ZC2HC1A: variants seen among roughly 807,000 people sequenced by gnomAD.
ZC2HC1A encodes zinc finger C2HC-type containing 1A.
In ZC2HC1A, 28 loss-of-function variants were observed where a neutral mutation model predicts 40.7. The observed-to-expected ratio is 0.69, with a 90% CI of 0.51 to 0.94. ZC2HC1A has a LOEUF of 0.94. Ranked by LOEUF, ZC2HC1A falls within the 40% of genes least tolerant of loss-of-function variation. The probability of loss-of-function intolerance (pLI) is 0.00; values close to 1 mark genes in which losing one functional copy is unlikely to be tolerated. For synonymous variants in ZC2HC1A, 129 were observed against 129.2 expected, an observed-to-expected ratio of 1.00 and a Z score of 0.01; for missense variants, 389 against 386.3, an observed-to-expected ratio of 1.01 and a Z score of -0.06.
At chr8:78,696,529 A>G (rs1418782585) in intron 5 of ZC2HC1A, among the ~76,000 whole-genome samples, 4 of 152,198 alleles carry the variant, frequency 2.6e-5, no homozygotes, top group African/African-American at 9.7e-5. Context: ...GGTGATCAGT[A>G]AGATACTTTT....
Position 78,687,718 on chromosome 8 carries a change from G to A in ZC2HC1A, c.352+1110G>A, listed in dbSNP as rs1165360969. On this transcript the variant is annotated intron_variant, in intron 4 of 8. Coordinates refer to ENST00000263849, the MANE Select transcript of ZC2HC1A (RefSeq NM_016010.3). ...CGTAATACATTATATATATATTTAC[G>A]TAATACATTATATATATTTATGTAA... Among the ~76,000 whole-genome samples, 6 of 78,174 alleles carry A rather than the reference G, an allele frequency of 7.7e-5. 1 individual carries two copies. Among genetic ancestry groups the A allele is most frequent in the African/African-American group, 1.2e-4 (3 of 24,012 alleles). The allele number at this position is 78,174 out of a possible 152,430, so 51.3% of individuals were successfully genotyped here.
At position 78,718,354 on chromosome 8, in the gene ZC2HC1A, C is replaced by T; in HGVS notation, c.*861C>T. Reference sequence around the variant, plus strand: ...AATATAGAAGGCACAGAATTCCCTGCAAAATCTTACATGTTTAAAAACATA... The same window carrying T: ...AATATAGAAGGCACAGAATTCCCTGTAAAATCTTACATGTTTAAAAACATA... On this transcript the variant is annotated 3_prime_UTR_variant, in exon 9 of 9. Coordinates refer to ENST00000263849, the MANE Select transcript of ZC2HC1A (RefSeq NM_016010.3). 1 of 151,860 alleles carries T rather than the reference C, an allele frequency of 6.6e-6. No individual in the cohort carries two copies. Among genetic ancestry groups the T allele is most frequent in the East Asian group, 1.9e-4 (1 of 5,192 alleles). The allele number at this position is 151,860 out of a possible 1,614,324, so 9.4% of individuals were successfully genotyped here.
chr8:78,707,782 C>A (rs1202690842), intron 7 of ZC2HC1A, among the ~76,000 whole-genome samples: 1 of 151,870 alleles, frequency 6.6e-6, no homozygotes, highest in Non-Finnish European at 1.5e-5. Flanking sequence ...TTAACTGGAA[C>A]ATTGTGTTAC....
intron 1 of ZC2HC1A, among the ~76,000 whole-genome samples, chr8:78,669,967 C>CTTTT (rs371762916): frequency 6.5e-5 from 8 of 123,032 alleles, no homozygotes; most frequent in African/African-American, 6.5e-5. Context: ...TTCTTTCTTT[C>CTTTT]TTTCTTTTTT....
At chr8:78,673,563 C>T (rs1809493942) in intron 1 of ZC2HC1A, among the ~76,000 whole-genome samples, 1 of 152,158 alleles carries the variant, frequency 6.6e-6, no homozygotes, top group South Asian at 2.1e-4. Context: ...TTCTCCACAT[C>T]CTCTCCAACA....
chr8:78,692,571 GA>G (rs1365824083), intron 5 of ZC2HC1A, among the ~76,000 whole-genome samples: 3 of 151,932 alleles, frequency 2.0e-5, no homozygotes, highest in Non-Finnish European at 4.4e-5. Context: ...CCTTTTTTAG[GA>G]GGGGAGCAGT....
In ZC2HC1A at chr8:78,669,971, CT is replaced by C. The variant is rs566684768; in HGVS notation, c.16+3820del. ...TATTTCTTTCTTTCTTTCTTTCTTT[CT>C]TTTTTTTTTTTTGATACGGAGTTTC... is the stretch of plus-strand genomic sequence containing the variant. On this transcript the variant is annotated intron_variant, in intron 1 of 8. Transcript: ENST00000263849. Among the ~76,000 whole-genome samples, 42 of 126,262 alleles carry C rather than the reference CT, an allele frequency of 3.3e-4. 1 individual carries two copies. Among genetic ancestry groups the C allele is most frequent in the African/African-American group, 7.1e-4 (22 of 31,146 alleles). The allele number at this position is 126,262 out of a possible 152,430, so 82.8% of individuals were successfully genotyped here. A position where few individuals can be genotyped will look rare whatever the true frequency, so the allele number is the denominator to read the frequency against.
At chr8:78,716,795 G>A (rs1024521228) in intron 8 of ZC2HC1A, among the ~76,000 whole-genome samples, 20 of 152,128 alleles carry the variant, frequency 1.3e-4, no homozygotes, top group Non-Finnish European at 1.0e-4. Context: ...GGTGATAGGC[G>A]ATTGGATCAT....
intron 4 of ZC2HC1A, among the ~76,000 whole-genome samples, chr8:78,688,361 A>C (rs1480596150): frequency 1.3e-5 from 2 of 152,048 alleles, no homozygotes; most frequent in East Asian, 1.9e-4. Context: ...AAAACAGCTT[A>C]TTTCTTTCTT....
chr8:78,674,881 T>G (rs1045448425), intron 1 of ZC2HC1A, among the ~76,000 whole-genome samples: 1 of 152,104 alleles, frequency 6.6e-6, no homozygotes, highest in Non-Finnish European at 1.5e-5. Context: ...TATTTGTCTT[T>G]CATATGATAA....
chr8:78,678,504 C>T, intron 2 of ZC2HC1A, 59 bp from the exon 3 acceptor site: 1 of 1,340,584 alleles, frequency 7.5e-7, no homozygotes, highest in Non-Finnish European at 1.0e-6. Flanking sequence ...AAATAAAGTT[C>T]TGTAGTCTTA....
At chr8:78,717,204 A>G in intron 8 of ZC2HC1A, 124 bp from the exon 9 acceptor site, 1 of 826,446 alleles carries the variant, frequency 1.2e-6, no homozygotes, top group Admixed American at 3.4e-5. Context: ...AATTTGAACT[A>G]GAGGAATATT....
chr8:78,697,263 C>A, intron 5 of ZC2HC1A, 144 bp from the exon 6 acceptor site: 1 of 616,016 alleles, frequency 1.6e-6, no homozygotes. Flanking sequence ...TGATGTGCAA[C>A]CATCATCACC....
At chr8:78,713,555 C>G (rs1811011608) in intron 7 of ZC2HC1A, among the ~76,000 whole-genome samples, 2 of 151,908 alleles carry the variant, frequency 1.3e-5, no homozygotes, top group African/African-American at 2.4e-5. Context: ...TCTAGTAGTT[C>G]TACAACATCC....
chr8:78,680,905 G>A (rs1387866942), intron 3 of ZC2HC1A, among the ~76,000 whole-genome samples: 3 of 152,132 alleles, frequency 2.0e-5, no homozygotes, highest in Non-Finnish European at 4.4e-5. Context: ...TAGGAATTTG[G>A]ATAGCTACCA....
intron 5 of ZC2HC1A, 104 bp from the exon 6 acceptor site, chr8:78,697,303 A>G: frequency 1.1e-6 from 1 of 895,290 alleles, no homozygotes. Context: ...TTCATCTTGT[A>G]AGGCTGAAAT....
At chr8:78,713,033 A>G (rs770254569) in intron 7 of ZC2HC1A, among the ~76,000 whole-genome samples, 1 of 152,174 alleles carries the variant, frequency 6.6e-6, no homozygotes, top group Non-Finnish European at 1.5e-5. Context: ...GCCGTTTTTC[A>G]TTTTGCTGAT....
Position 78,718,704 on chromosome 8 carries a change from C to T in ZC2HC1A, c.*1211C>T, listed in dbSNP as rs1811178056. 1 of 151,728 alleles carries T rather than the reference C, an allele frequency of 6.6e-6. No homozygotes were observed. Among genetic ancestry groups the T allele is most frequent in the South Asian group, 2.1e-4 (1 of 4,832 alleles). 9.4% of individuals were successfully genotyped at this position (151,728 alleles called of 1,614,324 possible). ...ATTTAATTATTTTTTTCTCTTTAAC[C>T]TGATCACGACACAGCTCTTAATCAT... is the stretch of plus-strand genomic sequence containing the variant. On this transcript the variant is annotated 3_prime_UTR_variant, in exon 9 of 9. Coordinates refer to ENST00000263849, the MANE Select transcript of ZC2HC1A (RefSeq NM_016010.3).
intron 1 of ZC2HC1A, among the ~76,000 whole-genome samples, chr8:78,674,873 T>C (rs1340718920): frequency 6.6e-6 from 1 of 152,108 alleles, no homozygotes; most frequent in Non-Finnish European, 1.5e-5. Flanking sequence ...TGTTTTTCTA[T>C]TTGTCTTTCA....
Sources: allele counts gnomAD v4.1 joint callset (sites outside exome capture counted in the v4.1 genomes callset), GRCh38; gene constraint gnomAD v4.1.1; transcripts MANE v1.5; gene names NCBI Gene and HGNC (gene_info 2026-07-23, HGNC 2026-07-21).